ANKIB1: variants seen among roughly 807,000 people sequenced by gnomAD.
The protein encoded by ANKIB1 is ankyrin repeat and IBR domain-containing protein 1.
A neutral mutation model predicts 122.1 loss-of-function variants in ANKIB1; 43 were observed. That is an observed-to-expected ratio of 0.35 (90% confidence interval 0.28 to 0.45). ANKIB1 has a LOEUF of 0.45. ANKIB1 is among the 20% of genes least tolerant of loss of function. The pLI is 1.00. For missense variants in ANKIB1, 992 were observed against 1,329.5 expected (o/e 0.75, Z 3.95); for synonymous variants, 390 against 442.0 (o/e 0.88, Z 1.48).
At position 92,379,001 on chromosome 7, in the gene ANKIB1, TG is replaced by T. The variant is rs147746216; in HGVS notation, c.1617+7395del. 1.3e-4 allele frequency among the ~76,000 whole-genome samples: 20 copies of T among 152,304 alleles called. No individual in the cohort carries two copies. The East Asian group carries it at 3.9e-3, about 29-fold the overall frequency. On this transcript the variant is annotated intron_variant, in intron 11 of 19. Transcript: ENST00000265742. ...TTATGGGGAAAAAATGTAAACCCAC[TG>T]TAGGTCACAAAAGATGACAAACTAA...
At chr7:92,270,511 C>T (rs189508506) in intron 1 of ANKIB1, among the ~76,000 whole-genome samples, 301 of 152,168 alleles carry the variant, frequency 2.0e-3, no homozygotes, top group African/African-American at 6.8e-3. Context: ...TAGAAGAAAA[C>T]TTTTATTTTT....
At chr7:92,336,207 C>T (rs1324502709) in intron 5 of ANKIB1, among the ~76,000 whole-genome samples, 1 of 151,978 alleles carries the variant, frequency 6.6e-6, no homozygotes, top group African/African-American at 2.4e-5. Flanking sequence ...ATTTCTGTCT[C>T]CAAGTTCACC....
intron 7 of ANKIB1, 96 bp from the exon 8 acceptor site, chr7:92,350,854 C>G: frequency 1.6e-6 from 2 of 1,250,080 alleles, no homozygotes; most frequent in Non-Finnish European, 2.2e-6. Context: ...GAGACCCTGT[C>G]TCTAAAAAAA....
chr7:92,389,361 G>A (rs1417340778), intron 14 of ANKIB1, among the ~76,000 whole-genome samples: 1 of 151,330 alleles, frequency 6.6e-6, no homozygotes, highest in Non-Finnish European at 1.5e-5. Flanking sequence ...GCAGTTAAGT[G>A]AAAACCTAGA....
chr7:92,336,147 A>G (rs1265077572), intron 5 of ANKIB1, among the ~76,000 whole-genome samples: 1 of 152,080 alleles, frequency 6.6e-6, no homozygotes, highest in African/African-American at 2.4e-5. Context: ...TTAATCAGCC[A>G]TATGTATTTT....
intron 7 of ANKIB1, among the ~76,000 whole-genome samples, 162 bp from the exon 8 acceptor site, chr7:92,350,788 A>G (rs1053907648): frequency 2.0e-5 from 3 of 152,266 alleles, no homozygotes; most frequent in Middle Eastern, 3.4e-3. Context: ...GCCCAAGAGT[A>G]TGAGGCTACA....
In ANKIB1 at chr7:92,398,529, T is replaced by C; in HGVS notation, c.2850T>C (p.Cys950=). 1 of 1,613,944 alleles carries C rather than the reference T, an allele frequency of 6.2e-7. No individual in the cohort carries two copies. The highest frequency in any genetic ancestry group is 2.2e-5 in the East Asian group (1 of 44,878). The change falls in exon 20 of 20, where the codon TGT becomes TGC. Residue 950 remains cysteine, a synonymous_variant. Transcript: ENST00000265742. ...HPLSEARSDF[C]PSSSDPDSAG... is the part of the protein sequence containing the mutation. ...TCAGTGAGGCAAGAAGTGATTTCTG[T>C]CCCTCATCTAGTGATCCTGACTCAG... is the stretch of plus-strand genomic sequence containing the variant.
At position 92,343,051 on chromosome 7, in the gene ANKIB1, C is replaced by T; in HGVS notation, c.815C>T (p.Ala272Val). 6.2e-7 allele frequency: 1 copy of T among 1,613,874 alleles called. No individual in the cohort carries two copies. The highest frequency in any genetic ancestry group is 8.5e-7 in the Non-Finnish European group (1 of 1,179,868). The change falls in exon 6 of 20, where the codon GCT (alanine) becomes GTT (valine). Residue 272 changes from alanine (A) to valine (V), a missense_variant. Around this residue, in one of 4 missense-constraint regions of ANKIB1, gnomAD observed 521 missense variants for 777.7 expected, o/e 0.67. Transcript: ENST00000265742. ...TGGGACAGGGAGAAATTACTTGAAG[C>T]TTGGATGTCCAACCCGGAGAACTGC... ...HDWDREKLLEAWMSNPENCCQ... is the reference protein window; with the variant it reads ...HDWDREKLLEVWMSNPENCCQ...
In ANKIB1 at chr7:92,371,491, G is replaced by A; in HGVS notation, c.1501G>A (p.Glu501Lys). 6.2e-7 allele frequency: 1 copy of A among 1,605,936 alleles called. No individual in the cohort carries two copies. Among genetic ancestry groups the A allele is most frequent in the South Asian group, 1.1e-5 (1 of 89,338 alleles). ...ATATCCCAAAGTTGTGGGAGTTAGT[G>A]AAGCCTACGAGGATGCCGCCAATTG... Reference protein sequence around the residue: ...MKPEELVGVSEAYEDAANCLW... With the variant: ...MKPEELVGVSKAYEDAANCLW... The change falls in exon 11 of 20, where the codon GAA becomes AAA. Residue 501 changes from glutamate to lysine, a missense_variant. By Grantham distance (56) the Glu-to-Lys change is moderately conservative. This residue lies in a region of ANKIB1 where 521 missense variants were observed against 777.7 expected (regional missense o/e 0.67). Transcript: ENST00000265742.
intron 9 of ANKIB1, among the ~76,000 whole-genome samples, chr7:92,356,004 T>C (rs1803802864): frequency 6.6e-6 from 1 of 152,122 alleles, no homozygotes; most frequent in Admixed American, 6.5e-5. Context: ...GATGTACAAC[T>C]TGAGAAACCA....
chr7:92,269,205 A>G (rs1801734549), intron 1 of ANKIB1, among the ~76,000 whole-genome samples: 1 of 152,228 alleles, frequency 6.6e-6, no homozygotes, highest in East Asian at 1.9e-4. Context: ...TCAGTGGGAT[A>G]GCATTGAGGG....
chr7:92,344,681 T>A (rs1252821043), intron 6 of ANKIB1, among the ~76,000 whole-genome samples: 1 of 152,214 alleles, frequency 6.6e-6, no homozygotes, highest in Non-Finnish European at 1.5e-5. Flanking sequence ...CCCAAATGAT[T>A]TGTTTCTTGT....
rs1405829060 is a variant in ANKIB1 at position 92,400,688 on chromosome 7, G to A, written c.*1739G>A. On this transcript the variant is annotated 3_prime_UTR_variant, in exon 20 of 20. Coordinates refer to ENST00000265742, the MANE Select transcript of ANKIB1 (RefSeq NM_019004.2). The stretch of plus-strand genomic sequence containing the variant: ...TTTAATATTCCCCAGATCCTCTTAG[G>A]ATAAACTGTGGGAATCCTCCTATGC... 1.3e-5 allele frequency: 2 copies of A among 151,976 alleles called. No homozygotes were observed. Among genetic ancestry groups the A allele is most frequent in the Non-Finnish European group, 2.9e-5 (2 of 67,996 alleles). 9.4% of individuals were successfully genotyped at this position (151,976 alleles called of 1,614,324 possible).
chr7:92,341,853 C>G (rs1803447180), intron 5 of ANKIB1, among the ~76,000 whole-genome samples: 1 of 152,164 alleles, frequency 6.6e-6, no homozygotes, highest in African/African-American at 2.4e-5. Flanking sequence ...TCCTAGTTAA[C>G]CACACATTTT....
intron 1 of ANKIB1, among the ~76,000 whole-genome samples, chr7:92,253,035 A>G (rs528873957): frequency 2.0e-5 from 3 of 152,326 alleles, no homozygotes; most frequent in Non-Finnish European, 2.9e-5. Flanking sequence ...GGACACTTGT[A>G]TATGGTTTGT....
At chr7:92,306,000 C>T (rs1265176210) in intron 2 of ANKIB1, among the ~76,000 whole-genome samples, 3 of 151,994 alleles carry the variant, frequency 2.0e-5, no homozygotes, top group African/African-American at 7.2e-5. Context: ...TGTTTTTGCT[C>T]AGGGATAGAT....
intron 1 of ANKIB1, among the ~76,000 whole-genome samples, chr7:92,249,212 C>T (rs964803931): frequency 6.6e-6 from 1 of 152,162 alleles, no homozygotes; most frequent in African/African-American, 2.4e-5. Context: ...ATGTCCACTT[C>T]ATTTCAGTAA....
rs1487874116 is a variant in ANKIB1 at position 92,319,521 on chromosome 7, AT to A, written c.669+15del. 3 of 1,589,194 alleles carry A rather than the reference AT, an allele frequency of 1.9e-6. No individual in the cohort carries two copies. Among genetic ancestry groups the A allele is most frequent in the Non-Finnish European group, 2.6e-6 (3 of 1,173,872 alleles). On this transcript the variant is annotated intron_variant, in intron 4 of 19. Coordinates refer to ENST00000265742, the MANE Select transcript of ANKIB1 (RefSeq NM_019004.2). ...CATTAGACAAACGAGAGGTCAGTTT[AT>A]TTTTTCTTCTCAGTAAAAAAATTAC...
intron 11 of ANKIB1, among the ~76,000 whole-genome samples, chr7:92,379,404 T>G (rs1057102398): frequency 1.8e-4 from 27 of 151,814 alleles, no homozygotes; most frequent in African/African-American, 5.8e-4. Context: ...AAAAACTAAT[T>G]CAGAAGTTAT....
Sources: allele counts gnomAD v4.1 joint callset (sites outside exome capture counted in the v4.1 genomes callset), GRCh38; gene constraint gnomAD v4.1.1; regional missense constraint gnomAD v4.1.1; transcripts MANE v1.5; gene names NCBI Gene and HGNC (gene_info 2026-07-23, HGNC 2026-07-21).